Variants in KDM3B observed in about 807,000 individuals in gnomAD.
KDM3B encodes lysine demethylase 3B, also known as lysine-specific demethylase 3B.
Under a neutral mutation model 170.0 loss-of-function variants are expected in KDM3B, and 10 were observed. That is an observed-to-expected ratio of 0.06 (90% confidence interval 0.04 to 0.10). The LOEUF (loss-of-function observed/expected upper bound fraction) is 0.10, where lower values mean the gene tolerates loss of function less well. Among genes scored for constraint, KDM3B ranks in the 10% least tolerant of loss-of-function variants. KDM3B has a pLI of 1.00. For missense variants in KDM3B, 1,394 were observed against 2,195.2 expected (o/e 0.64, Z 7.29); for synonymous variants, 831 against 834.8 (o/e 1.00, Z 0.08).
chr5:138,366,849 A>G (rs1235179582), intron 1 of KDM3B, among the ~76,000 whole-genome samples: 1 of 152,190 alleles, frequency 6.6e-6, no homozygotes, highest in Non-Finnish European at 1.5e-5. Context: ...TAATATAAAC[A>G]AACGAAAGAA....
rs770604921 is a variant in KDM3B, at chr5:138,377,818, C to T, written c.573C>T (p.Phe191=). The T allele has an allele frequency of 1.3e-5, 21 of 1,610,852 alleles. 2 individuals carry two copies. In the South Asian group the frequency reaches 1.8e-4, roughly 13 times the overall value. ...GTGACCAAAAGCTACAAGAGATATT[C>T]AGCCGAGGTAAGAACGGATAGTCTT... ...LISDQKLQEI[F]SRGPYSVQGH... Residue 191 remains phenylalanine, a synonymous_variant, in exon 4 of 24, where the codon TTC becomes TTT. Transcript: ENST00000314358.
chr5:138,414,893 G>A (rs1326630078), intron 11 of KDM3B, among the ~76,000 whole-genome samples: 1 of 152,188 alleles, frequency 6.6e-6, no homozygotes, highest in African/African-American at 2.4e-5. Context: ...AGAGGCGGAG[G>A]TTGCGGTGAG....
chr5:138,364,495 T>G (rs1580878408), intron 1 of KDM3B, among the ~76,000 whole-genome samples: 1 of 152,288 alleles, frequency 6.6e-6, no homozygotes, highest in East Asian at 1.9e-4. Flanking sequence ...TAAAACCTTT[T>G]CAGTGTTTAG....
intron 8 of KDM3B, 97 bp downstream of exon 8, chr5:138,392,358 G>A (rs1762456753): frequency 1.6e-6 from 2 of 1,252,706 alleles, no homozygotes; most frequent in Admixed American, 2.9e-5. Flanking sequence ...TTGATGGAGA[G>A]TTCTGTAATC....
chr5:138,411,824 C>T (rs866459773), intron 11 of KDM3B, among the ~76,000 whole-genome samples: 31 of 150,546 alleles, frequency 2.1e-4, no homozygotes, highest in African/African-American at 3.6e-4. Context: ...TTCAGCCTCC[C>T]GAGCAGCCAG....
intron 18 of KDM3B, 27 bp from the exon 19 acceptor site, chr5:138,427,162 T>C: frequency 6.2e-7 from 1 of 1,607,548 alleles, no homozygotes; most frequent in African/African-American, 1.3e-5. Flanking sequence ...TATAACAAGC[T>C]AAGTCATCTT....
At chr5:138,385,589 A>G (rs571657978) in intron 6 of KDM3B, among the ~76,000 whole-genome samples, 68 of 152,364 alleles carry the variant, frequency 4.5e-4, no homozygotes, top group African/African-American at 1.3e-3. Context: ...ACTTCTGGTT[A>G]GAGAAGATGT....
At chr5:138,433,383 G>C (rs1763588060) in intron 23 of KDM3B, among the ~76,000 whole-genome samples, 1 of 150,896 alleles carries the variant, frequency 6.6e-6, no homozygotes, top group South Asian at 2.1e-4. Flanking sequence ...AAAGTGCTGG[G>C]ATTACGGATG....
In KDM3B at chr5:138,391,038, C is replaced by T; in HGVS notation, c.1406C>T (p.Ser469Phe). The change falls in exon 8 of 24, where the codon TCT becomes TTT. Residue 469 changes from serine to phenylalanine, a missense_variant. Physicochemically the swap from Ser to Phe is radical, Grantham distance 155. Transcript: ENST00000314358. The surrounding 1 kb of genome is among the most constrained non-coding windows in gnomAD (Gnocchi z 5.0). Reference sequence around the variant, plus strand: ...AATTCAAGAAATTCTATTCTGGCCTCTTCTGGATTTGGAGCACCTCTCCCT... The same window carrying T: ...AATTCAAGAAATTCTATTCTGGCCTTTTCTGGATTTGGAGCACCTCTCCCT... ...GENSRNSILA[S>F]SGFGAPLPSS... The T allele has an allele frequency of 1.3e-6, 2 of 1,581,278 alleles. No individual in the cohort carries two copies. The highest frequency in any genetic ancestry group is 1.7e-6 in the Non-Finnish European group (2 of 1,164,088).
chr5:138,420,138 T>G (rs942557844), intron 14 of KDM3B, among the ~76,000 whole-genome samples: 2 of 152,220 alleles, frequency 1.3e-5, no homozygotes, highest in Admixed American at 1.3e-4. Flanking sequence ...TACACCTGCC[T>G]CGGCCTCCCA....
At chr5:138,375,233 G>C in intron 3 of KDM3B, 27 bp downstream of exon 3, 1 of 1,472,030 alleles carries the variant, frequency 6.8e-7, no homozygotes. Context: ...TTAGTCTTGA[G>C]CCTATTATTT....
chr5:138,382,811 A>T (rs776934543), intron 6 of KDM3B, among the ~76,000 whole-genome samples: 2 of 152,164 alleles, frequency 1.3e-5, no homozygotes, highest in Non-Finnish European at 2.9e-5. Flanking sequence ...TGTTTACTAC[A>T]TGTAATATTA....
chr5:138,352,942 C>T lies in KDM3B; in HGVS notation c.147C>T (p.Ala49=), dbSNP rs1342194341. The T allele has an allele frequency of 1.5e-6, 2 of 1,294,504 alleles. No individual in the cohort carries two copies. Among genetic ancestry groups the T allele is most frequent in the Non-Finnish European group, 2.0e-6 (2 of 1,024,998 alleles). 80.2% of individuals were successfully genotyped at this position (1,294,504 alleles called of 1,614,324 possible). The change falls in exon 1 of 24, where the codon GCC becomes GCT. Residue 49 remains alanine, a synonymous_variant. Coordinates refer to ENST00000314358, the MANE Select transcript of KDM3B (RefSeq NM_016604.4). ...GPALRTRAWR[A]GTVRAMSGAV... ...CGCTGCGCACTCGAGCCTGGCGGGC[C>T]GGCACGGTGCGGGCCATGAGCGGGG...
chr5:138,363,593 C>G (rs1179487071), intron 1 of KDM3B, among the ~76,000 whole-genome samples: 3 of 152,200 alleles, frequency 2.0e-5, no homozygotes, highest in African/African-American at 7.2e-5. Flanking sequence ...GTCTCTCAGT[C>G]TGGAGTGCAG....
At chr5:138,366,667 C>A (rs534028117) in intron 1 of KDM3B, among the ~76,000 whole-genome samples, 1 of 152,120 alleles carries the variant, frequency 6.6e-6, no homozygotes, top group Non-Finnish European at 1.5e-5. Context: ...GGTCTCCCCA[C>A]CACCTTTAAA....
rs1400209046 is a variant in KDM3B, at chr5:138,386,030, G to A, written c.789G>A (p.Thr263=). ...TGAATTTTGTTTTGTAGGGGGGTAC[G>A]TTAAAAGCAGTAAAATCTTCCAAAG... ...DNSAPQSEGG[T]LKAVKSSKGK... Residue 263 remains threonine (T), a synonymous_variant, in exon 7 of 24, where the codon ACG becomes ACA. Coordinates refer to ENST00000314358, the MANE Select transcript of KDM3B (RefSeq NM_016604.4). 7.5e-6 allele frequency: 12 copies of A among 1,603,354 alleles called. No individual in the cohort carries two copies. The highest frequency in any genetic ancestry group is 3.5e-5 in the Admixed American group (2 of 57,782).
intron 1 of KDM3B, among the ~76,000 whole-genome samples, chr5:138,356,983 A>G (rs1033812561): frequency 3.4e-5 from 5 of 148,452 alleles, no homozygotes; most frequent in African/African-American, 1.3e-4. Flanking sequence ...ATACAGAAAA[A>G]TAAGAATTTT....
intron 23 of KDM3B, among the ~76,000 whole-genome samples, chr5:138,434,547 CAAA>C (rs747418307): frequency 5.4e-5 from 5 of 92,772 alleles, no homozygotes; most frequent in South Asian, 3.4e-4. Context: ...GACTCCATCT[CAAA>C]AAAAAAAAAA....
At chr5:138,354,208 T>G (rs1761398113) in intron 1 of KDM3B, among the ~76,000 whole-genome samples, 1 of 152,200 alleles carries the variant, frequency 6.6e-6, no homozygotes, top group South Asian at 2.1e-4. Flanking sequence ...CTTCTGCTAC[T>G]TGGGTTCATT....
Sources: allele counts gnomAD v4.1 joint callset (sites outside exome capture counted in the v4.1 genomes callset), GRCh38; gene constraint gnomAD v4.1.1; non-coding constraint Gnocchi (gnomAD v3.1); transcripts MANE v1.5; gene names NCBI Gene and HGNC (gene_info 2026-07-23, HGNC 2026-07-21).